Variants in VOPP1 observed in about 807,000 individuals in gnomAD.
The protein encoded by VOPP1 is VOPP1 WW domain binding protein, also known as WW domain binding protein VOPP1.
Under a neutral mutation model 23.5 loss-of-function variants are expected in VOPP1, and 8 were observed. That is an observed-to-expected ratio of 0.34 (90% CI 0.20 to 0.61). The LOEUF is 0.61. Among genes scored for constraint, VOPP1 ranks in the 20% least tolerant of loss-of-function variants. The probability of loss-of-function intolerance (pLI) is 0.78; values close to 1 mark genes in which losing one functional copy is unlikely to be tolerated. For missense variants in VOPP1, 174 were observed against 238.1 expected (o/e 0.73, Z 1.77); for synonymous variants, 83 against 97.3 (o/e 0.85, Z 0.86).
At chr7:55,540,581 A>C (rs1179084208) in intron 1 of VOPP1, among the ~76,000 whole-genome samples, 1 of 152,110 alleles carries the variant, frequency 6.6e-6, no homozygotes, top group African/African-American at 2.4e-5. Context: ...TGTTCTCAGC[A>C]GCTTCAAGGG....
chr7:55,489,701 A>G (rs1210605985), intron 4 of VOPP1, among the ~76,000 whole-genome samples: 2 of 152,166 alleles, frequency 1.3e-5, no homozygotes, highest in Non-Finnish European at 2.9e-5. Context: ...CTGTGACTGT[A>G]GTTGTGATGT....
chr7:55,489,372 C>A (rs1391598177), intron 4 of VOPP1, among the ~76,000 whole-genome samples: 2 of 152,236 alleles, frequency 1.3e-5, no homozygotes, highest in African/African-American at 4.8e-5. Context: ...CAGCCACTCG[C>A]TGTAGAGAGC....
intron 1 of VOPP1, among the ~76,000 whole-genome samples, chr7:55,545,585 G>C: frequency 6.6e-6 from 1 of 152,180 alleles, no homozygotes; most frequent in East Asian, 1.9e-4. Context: ...AGTATGACTA[G>C]AAAAATAACA....
chr7:55,435,899 C>CA (rs1790810866), downstream of VOPP1, among the ~76,000 whole-genome samples: 1 of 152,242 alleles, frequency 6.6e-6, no homozygotes, highest in African/African-American at 2.4e-5. Context: ...CTCCTGTCCT[C>CA]AGTCAGCATC....
chr7:55,543,756 T>G (rs1406870216), intron 1 of VOPP1, among the ~76,000 whole-genome samples: 1 of 152,182 alleles, frequency 6.6e-6, no homozygotes. Flanking sequence ...TAAATCAGAT[T>G]ATTTGGTTTT....
intron 1 of VOPP1, among the ~76,000 whole-genome samples, chr7:55,564,264 T>TCTCTCG (rs1369462395): frequency 6.6e-6 from 1 of 150,930 alleles, no homozygotes; most frequent in African/African-American, 2.5e-5. Context: ...TCTCTCTCTC[T>TCTCTCG]CTCGCTCGCT....
At chr7:55,485,685 C>T (rs1793085422) in intron 4 of VOPP1, among the ~76,000 whole-genome samples, 1 of 152,222 alleles carries the variant, frequency 6.6e-6, no homozygotes. Context: ...CACAGGGCGC[C>T]CGCACACGGG....
At chr7:55,553,213 T>A (rs1468775478) in intron 1 of VOPP1, among the ~76,000 whole-genome samples, 1 of 152,256 alleles carries the variant, frequency 6.6e-6, no homozygotes, top group Non-Finnish European at 1.5e-5. Context: ...GGAAAGGAGC[T>A]GCAGTTCCTC....
intron 1 of VOPP1, among the ~76,000 whole-genome samples, chr7:55,560,943 C>T (rs1322227663): frequency 6.6e-6 from 1 of 152,196 alleles, no homozygotes; most frequent in Non-Finnish European, 1.5e-5. Context: ...TCATGATGCA[C>T]TGCCATCCCG....
At chr7:55,508,558 C>A (rs1794875992) in intron 2 of VOPP1, among the ~76,000 whole-genome samples, 1 of 152,168 alleles carries the variant, frequency 6.6e-6, no homozygotes, top group African/African-American at 2.4e-5. Context: ...AGCCACTGCA[C>A]CTGGCCCAGA....
intron 1 of VOPP1, among the ~76,000 whole-genome samples, chr7:55,571,234 T>G (rs138988952): frequency 8.1e-4 from 123 of 152,306 alleles, no homozygotes; most frequent in African/African-American, 2.9e-3. Context: ...AAGGAGAAAT[T>G]TGTCCACCAG....
chr7:55,557,954 G>A (rs779165940), intron 1 of VOPP1, among the ~76,000 whole-genome samples: 5 of 152,164 alleles, frequency 3.3e-5, no homozygotes, highest in South Asian at 4.1e-4. Context: ...GGCCAAAGAC[G>A]TTCTAATCAA....
At chr7:55,438,136 T>A (rs1385338643) in intron 4 of VOPP1, among the ~76,000 whole-genome samples, 1 of 152,094 alleles carries the variant, frequency 6.6e-6, no homozygotes, top group African/African-American at 2.4e-5. Flanking sequence ...CTCAGGTGAT[T>A]CGTCTGCCTC....
Position 55,560,662 on chromosome 7 carries a change from G to A in VOPP1, c.54+11609C>T, listed in dbSNP as rs369329244. On this transcript the variant is annotated intron_variant, in intron 1 of 4. Coordinates refer to ENST00000285279, the MANE Select transcript of VOPP1 (RefSeq NM_030796.5). ...AGAGGGAAGATAATAAATCTGGATC[G>A]GTTTAAGCCACCAAGTTTGTAGTCA... Among the ~76,000 whole-genome samples, 9 of 152,172 alleles carry A rather than the reference G, an allele frequency of 5.9e-5. No homozygotes were observed. The East Asian group carries it at 1.3e-3, about 23-fold the overall frequency.
chr7:55,566,169 A>C lies in VOPP1; in HGVS notation c.54+6102T>G, dbSNP rs112763172. 1.6e-3 allele frequency among the ~76,000 whole-genome samples: 237 copies of C among 152,320 alleles called. No individual in the cohort carries two copies. In the East Asian group the frequency reaches 0.019, roughly 12 times the overall value. Reference sequence around the variant, plus strand: ...GATATGAATAAAAAGGACAAAGAGAAGCTGGAGGTGGGGGTGGTGGGAGTT... The same window carrying C: ...GATATGAATAAAAAGGACAAAGAGACGCTGGAGGTGGGGGTGGTGGGAGTT... On this transcript the variant is annotated intron_variant, in intron 1 of 4. Transcript: ENST00000285279.
At chr7:55,443,193 G>A (rs543073171) in intron 4 of VOPP1, among the ~76,000 whole-genome samples, 1 of 152,086 alleles carries the variant, frequency 6.6e-6, no homozygotes, top group South Asian at 2.1e-4. Flanking sequence ...GAAAATTTAG[G>A]TTCAAAAAGA....
intron 1 of VOPP1, among the ~76,000 whole-genome samples, chr7:55,526,245 C>G (rs898580553): frequency 3.3e-5 from 5 of 152,198 alleles, no homozygotes; most frequent in African/African-American, 9.7e-5. Context: ...ACTGGAGAGG[C>G]CTGAAAGACG....
chr7:55,437,716 A>T (rs1302485402), intron 4 of VOPP1, among the ~76,000 whole-genome samples: 2 of 152,104 alleles, frequency 1.3e-5, no homozygotes, highest in African/African-American at 4.8e-5. Flanking sequence ...TTGGATGTTA[A>T]GCCTCTTAAT....
intron 1 of VOPP1, chr7:55,537,431 T>C: frequency 6.5e-7 from 1 of 1,533,000 alleles, no homozygotes; most frequent in South Asian, 1.2e-5. Flanking sequence ...CATGCTCTTC[T>C]TTCCCAGAAC....
Sources: allele counts gnomAD v4.1 joint callset (sites outside exome capture counted in the v4.1 genomes callset), GRCh38; gene constraint gnomAD v4.1.1; transcripts MANE v1.5; gene names NCBI Gene and HGNC (gene_info 2026-07-23, HGNC 2026-07-21).